Variants in GRID2 observed in about 807,000 individuals in gnomAD.
GRID2 encodes glutamate receptor ionotropic, delta-2.
In GRID2, 33 loss-of-function variants were observed where a neutral mutation model predicts 114.8. The ratio of observed to expected loss-of-function variants is 0.29; its 90% CI spans 0.22 to 0.38. The LOEUF (loss-of-function observed/expected upper bound fraction) is 0.38. Among genes scored for constraint, GRID2 ranks in the 10% least tolerant of loss-of-function variants. GRID2 has a pLI of 1.00. For missense variants in GRID2, 1,184 were observed against 1,257.7 expected (o/e 0.94, Z 0.89); for synonymous variants, 505 against 449.9 (o/e 1.12, Z -1.55).
At chr4:93,000,010 AT>A (rs1318770133) in intron 2 of GRID2, among the ~76,000 whole-genome samples, 1 of 151,702 alleles carries the variant, frequency 6.6e-6, no homozygotes, top group South Asian at 2.1e-4. Flanking sequence ...ACTTGTTTGC[AT>A]TTTTATATGA....
At chr4:93,448,153 A>G (rs948945129) in intron 10 of GRID2, among the ~76,000 whole-genome samples, 12 of 151,936 alleles carry the variant, frequency 7.9e-5, no homozygotes, top group African/African-American at 2.9e-4. Flanking sequence ...TCAAAGGAAA[A>G]GGGGAAAGTA....
chr4:93,712,608 A>G lies in GRID2; in HGVS notation c.2361-56602A>G, dbSNP rs577948625. 7.4e-4 allele frequency among the ~76,000 whole-genome samples: 113 copies of G among 152,306 alleles called. 5 individuals carry two copies. In the South Asian group the frequency reaches 0.023, roughly 31 times the overall value. On this transcript the variant is annotated intron_variant, in intron 14 of 15. Coordinates refer to ENST00000282020, the MANE Select transcript of GRID2 (RefSeq NM_001510.4). ...TATAAATTTCATGAGGACATAAACC[A>G]TCTCTCACTTAAATCTATAACCTTG...
At chr4:92,615,371 C>G (rs1242359325) in intron 2 of GRID2, among the ~76,000 whole-genome samples, 1 of 151,530 alleles carries the variant, frequency 6.6e-6, no homozygotes, top group African/African-American at 2.4e-5. Flanking sequence ...AAAAACCCAT[C>G]ACATTGAAGC....
chr4:92,500,531 C>A (rs1261558302), intron 1 of GRID2, among the ~76,000 whole-genome samples: 2 of 152,134 alleles, frequency 1.3e-5, no homozygotes, highest in East Asian at 3.9e-4. Context: ...AAGTCTGTTT[C>A]ATTTAAAATA....
intron 4 of GRID2, among the ~76,000 whole-genome samples, chr4:93,167,661 A>T (rs1180448835): frequency 1.3e-5 from 2 of 152,206 alleles, no homozygotes; most frequent in African/African-American, 4.8e-5. Context: ...ATAGTAACAC[A>T]TGTACTTTAT....
At chr4:92,312,006 T>C (rs1260314582) in intron 1 of GRID2, among the ~76,000 whole-genome samples, 7 of 151,856 alleles carry the variant, frequency 4.6e-5, no homozygotes, top group Non-Finnish European at 5.9e-5. Flanking sequence ...TATGTTTTCA[T>C]TGGAACAGAG....
chr4:93,645,986 C>A (rs6831150), intron 14 of GRID2, among the ~76,000 whole-genome samples: 70,119 of 151,892 alleles, frequency 0.46, 17,801 homozygotes, highest in African/African-American at 0.68. Context: ...CTAAGGCAAG[C>A]AGTTTACTAG....
chr4:92,531,297 G>A (rs1438628873), intron 1 of GRID2, among the ~76,000 whole-genome samples: 1 of 152,018 alleles, frequency 6.6e-6, no homozygotes, highest in African/African-American at 2.4e-5. Context: ...CATTTTAGAT[G>A]ACCACGAGAT....
At chr4:93,342,492 C>G (rs928300281) in intron 8 of GRID2, among the ~76,000 whole-genome samples, 2 of 152,128 alleles carry the variant, frequency 1.3e-5, no homozygotes, top group African/African-American at 4.8e-5. Context: ...TTTCCTTAAT[C>G]ATACTCTTCA....
At chr4:92,880,276 T>G (rs1321662742) in intron 2 of GRID2, among the ~76,000 whole-genome samples, 1 of 152,180 alleles carries the variant, frequency 6.6e-6, no homozygotes, top group African/African-American at 2.4e-5. Context: ...TATTAACAAC[T>G]GGTCTTTGAG....
At chr4:92,601,768 C>G (rs1260593280) in intron 2 of GRID2, among the ~76,000 whole-genome samples, 1 of 151,330 alleles carries the variant, frequency 6.6e-6, no homozygotes. Context: ...TGTAGACCAC[C>G]TGCTGAAATA....
intron 2 of GRID2, among the ~76,000 whole-genome samples, chr4:92,687,510 A>G (rs1733967904): frequency 6.6e-6 from 1 of 152,112 alleles, no homozygotes; most frequent in African/African-American, 2.4e-5. Flanking sequence ...TTGTGTCCAA[A>G]TAAAATGTAG....
At chr4:92,966,044 A>G (rs2149163606) in intron 2 of GRID2, among the ~76,000 whole-genome samples, 1 of 152,108 alleles carries the variant, frequency 6.6e-6, no homozygotes, top group East Asian at 1.9e-4. Flanking sequence ...TGGCAGATTC[A>G]GGAGGAAACT....
At chr4:92,675,192 G>C (rs1235386299) in intron 2 of GRID2, among the ~76,000 whole-genome samples, 3 of 152,102 alleles carry the variant, frequency 2.0e-5, no homozygotes, top group Non-Finnish European at 4.4e-5. Flanking sequence ...GGCACTTCTA[G>C]GGTCTGAATG....
chr4:93,440,702 G>A (rs956172297), intron 10 of GRID2, among the ~76,000 whole-genome samples: 10 of 152,058 alleles, frequency 6.6e-5, no homozygotes, highest in Admixed American at 2.6e-4. Context: ...TGAAGGAAAA[G>A]GATAACGAGA....
At chr4:93,598,490 T>G (rs904147940) in intron 13 of GRID2, among the ~76,000 whole-genome samples, 2 of 152,202 alleles carry the variant, frequency 1.3e-5, no homozygotes, top group African/African-American at 4.8e-5. Context: ...ATAGGTTTCT[T>G]GCTGACAAAG....
At chr4:93,550,023 T>C (rs1323331840) in intron 13 of GRID2, among the ~76,000 whole-genome samples, 1 of 152,172 alleles carries the variant, frequency 6.6e-6, no homozygotes, top group Non-Finnish European at 1.5e-5. Flanking sequence ...AAGAATATAA[T>C]GAGGAAATGA....
At chr4:92,425,046 G>A (rs1395867560) in intron 1 of GRID2, among the ~76,000 whole-genome samples, 5 of 151,840 alleles carry the variant, frequency 3.3e-5, no homozygotes, top group African/African-American at 9.7e-5. Flanking sequence ...GTTGAATTCA[G>A]CAGAATCTTT....
intron 1 of GRID2, among the ~76,000 whole-genome samples, chr4:92,401,157 T>C (rs1730770266): frequency 1.3e-5 from 2 of 152,154 alleles, no homozygotes; most frequent in Non-Finnish European, 2.9e-5. Flanking sequence ...AGAAACAATT[T>C]GCCTAATCCA....
Sources: gnomAD v4.1 joint callset for allele counts (sites outside exome capture counted in the v4.1 genomes callset) on GRCh38, gnomAD v4.1.1 for gene constraint, MANE v1.5 for transcripts, NCBI Gene and HGNC (gene_info 2026-07-23, HGNC 2026-07-21) for gene names.